The following FRMPD4 variants were observed in gnomAD, a reference collection of about 807,000 sequenced individuals.
The protein encoded by FRMPD4 is FERM and PDZ domain containing 4, also known as FERM and PDZ domain-containing protein 4.
FRMPD4 carries 22 observed loss-of-function variants against 94.1 expected under a neutral mutation model. The ratio of observed to expected loss-of-function variants is 0.23; its 90% CI spans 0.17 to 0.33. FRMPD4 has a LOEUF of 0.33. Ranked by LOEUF, FRMPD4 falls within the 10% of genes least tolerant of loss-of-function variation. The pLI is 1.00. For missense variants in FRMPD4, 1,111 were observed against 1,339.9 expected (o/e 0.83, Z 2.67); for synonymous variants, 631 against 548.6 (o/e 1.15, Z -2.10).
chrX:12,033,143 A>C (rs2054701562), intron 3 of FRMPD4, among the ~76,000 whole-genome samples: 1 of 111,644 alleles, frequency 9.0e-6, no homozygotes, highest in Non-Finnish European at 1.9e-5. Flanking sequence ...TAGCGAGTTG[A>C]GTTTGTTAGG....
rs746802638 is a variant in FRMPD4, at chrX:12,719,223, G to T, written c.3964+433G>T. On this transcript the variant is annotated intron_variant, in intron 16 of 16. Coordinates refer to ENST00000675598, the MANE Select transcript of FRMPD4 (RefSeq NM_001368397.1). ...AGAGAGCAGGGTATCAGGGAGATTGGAGGGGTTTGGAGAGATCATTTGCCT... is the reference window on the plus strand; with the variant it reads ...AGAGAGCAGGGTATCAGGGAGATTGTAGGGGTTTGGAGAGATCATTTGCCT... Among the ~76,000 whole-genome samples the T allele has an allele frequency of 7.1e-5, 8 of 112,693 alleles. 1 individual carries two copies. In the South Asian group the frequency reaches 2.2e-3, roughly 31 times the overall value.
At chrX:12,399,825 C>T (rs2056588735) in intron 1 of FRMPD4, among the ~76,000 whole-genome samples, 1 of 111,157 alleles carries the variant, frequency 9.0e-6, no homozygotes, top group Non-Finnish European at 1.9e-5. Context: ...AGTTCAAACC[C>T]ATGTTGTTCA....
At chrX:12,447,522 G>A (rs1387585001) in intron 1 of FRMPD4, among the ~76,000 whole-genome samples, 1 of 111,953 alleles carries the variant, frequency 8.9e-6, no homozygotes, top group Non-Finnish European at 1.9e-5. Context: ...TGTAAGAACA[G>A]GCACTTCACA....
chrX:12,656,129 A>G (rs1026693674), intron 4 of FRMPD4, among the ~76,000 whole-genome samples: 5 of 112,351 alleles, frequency 4.5e-5, no homozygotes, highest in Non-Finnish European at 7.5e-5. Context: ...GACAGCATGT[A>G]TTGATGGACT....
intron 6 of FRMPD4, among the ~76,000 whole-genome samples, chrX:12,684,386 TTC>T (rs2060000978): frequency 8.9e-6 from 1 of 112,127 alleles, no homozygotes; most frequent in African/African-American, 3.2e-5. Flanking sequence ...TCACAAACTC[TTC>T]TCTGAGGTTG....
At chrX:12,613,838 A>C (rs2059207906) in intron 3 of FRMPD4, among the ~76,000 whole-genome samples, 1 of 112,195 alleles carries the variant, frequency 8.9e-6, no homozygotes, top group Admixed American at 9.4e-5. Flanking sequence ...TTAGCTGGGC[A>C]TGGTGGCGGG....
chrX:12,418,638 G>A (rs955633980), intron 1 of FRMPD4, among the ~76,000 whole-genome samples: 6 of 110,944 alleles, frequency 5.4e-5, no homozygotes, highest in Non-Finnish European at 5.7e-5. Flanking sequence ...GATTACAGTC[G>A]TGAGTCACCG....
At chrX:12,148,764 G>A (rs1018857865) in intron 1 of FRMPD4, among the ~76,000 whole-genome samples, 8 of 111,785 alleles carry the variant, frequency 7.2e-5, no homozygotes, top group African/African-American at 2.6e-4. Flanking sequence ...TGCAGCTGGC[G>A]ACTTTAAGTT....
At chrX:12,085,418 C>T (rs936627963) in intron 3 of FRMPD4, among the ~76,000 whole-genome samples, 4 of 111,438 alleles carry the variant, frequency 3.6e-5, no homozygotes, top group African/African-American at 1.3e-4. Context: ...CCTATAGTCC[C>T]AGCTACTCTG....
intron 1 of FRMPD4, among the ~76,000 whole-genome samples, chrX:12,239,156 A>G (rs1369167590): frequency 8.9e-6 from 1 of 112,343 alleles, no homozygotes. Context: ...TCAGGTATCC[A>G]TCATTTAGAA....
At chrX:12,675,536 G>A (rs1381654352) in intron 5 of FRMPD4, among the ~76,000 whole-genome samples, 1 of 110,373 alleles carries the variant, frequency 9.1e-6, no homozygotes, top group Non-Finnish European at 1.9e-5. Flanking sequence ...GGTATGCAAC[G>A]ATCACCCCAT....
intron 1 of FRMPD4, among the ~76,000 whole-genome samples, chrX:12,441,960 T>C (rs1382414258): frequency 9.0e-6 from 1 of 110,808 alleles, no homozygotes; most frequent in Non-Finnish European, 1.9e-5. Flanking sequence ...GTTGGGATGT[T>C]TCCAAGCACA....
At chrX:12,667,894 G>GATTC (rs774083163) in intron 4 of FRMPD4, among the ~76,000 whole-genome samples, 4 of 111,961 alleles carry the variant, frequency 3.6e-5, no homozygotes, top group African/African-American at 9.7e-5. Context: ...TGAGCACTGT[G>GATTC]ATTCAGGGAT....
intron 2 of FRMPD4, among the ~76,000 whole-genome samples, chrX:12,503,333 AC>A (rs2057944782): frequency 9.0e-6 from 1 of 111,582 alleles, no homozygotes; most frequent in African/African-American, 3.3e-5. Context: ...TCCTGTGTAC[AC>A]AAAAAGTAGC....
intron 1 of FRMPD4, among the ~76,000 whole-genome samples, chrX:12,480,652 T>C (rs1418219682): frequency 8.9e-6 from 1 of 111,896 alleles, no homozygotes; most frequent in Non-Finnish European, 1.9e-5. Flanking sequence ...TGCATTTCTG[T>C]GGATAAGGCA....
intron 13 of FRMPD4, among the ~76,000 whole-genome samples, chrX:12,710,084 C>T (rs1004091831): frequency 4.5e-5 from 5 of 111,601 alleles, no homozygotes; most frequent in South Asian, 3.8e-4. Flanking sequence ...GCCAAGTTCA[C>T]GCCACTGCAC....
rs150683386 is a variant in FRMPD4, at chrX:12,714,508, C to T, written c.1610-1561C>T. Among the ~76,000 whole-genome samples the T allele has an allele frequency of 2.3e-3, 254 of 112,035 alleles. 1 individual carries two copies. The highest frequency in any genetic ancestry group is 8.0e-3 in the African/African-American group (246 of 30,805). On this transcript the variant is annotated intron_variant, in intron 14 of 16. Coordinates refer to ENST00000675598, the MANE Select transcript of FRMPD4 (RefSeq NM_001368397.1). Reference sequence around the variant, plus strand: ...CTTTTTCTAAATAAGGTCACATTCACAGAGTGGACATATCTTTTGGGGGCC... The same window carrying T: ...CTTTTTCTAAATAAGGTCACATTCATAGAGTGGACATATCTTTTGGGGGCC...
At chrX:11,912,196 T>C (rs1459530670) in intron 3 of FRMPD4, among the ~76,000 whole-genome samples, 3 of 112,419 alleles carry the variant, frequency 2.7e-5, no homozygotes, top group Non-Finnish European at 5.6e-5. Context: ...TTCCTTTGCC[T>C]GTCAGTTTGA....
intron 1 of FRMPD4, among the ~76,000 whole-genome samples, chrX:12,208,982 A>C (rs1249180154): frequency 9.0e-6 from 1 of 110,938 alleles, no homozygotes; most frequent in Non-Finnish European, 1.9e-5. Flanking sequence ...GCTAGCTTTC[A>C]ATAAGGTGAT....
Sources: gnomAD v4.1 joint callset for allele counts (sites outside exome capture counted in the v4.1 genomes callset) on GRCh38, gnomAD v4.1.1 for gene constraint, MANE v1.5 for transcripts, NCBI Gene and HGNC (gene_info 2026-07-23, HGNC 2026-07-21) for gene names.